Variants in NFRKB observed in about 807,000 individuals in gnomAD.
The protein encoded by NFRKB is nuclear factor related to kappaB binding protein, also known as nuclear factor related to kappa-B-binding protein.
A neutral mutation model predicts 135.7 loss-of-function variants in NFRKB; 62 were observed. The observed-to-expected ratio is 0.46, with a 90% CI of 0.37 to 0.56. The LOEUF is 0.56. Ranked by LOEUF, NFRKB falls within the 20% of genes least tolerant of loss-of-function variation. NFRKB has a pLI of 0.00. For missense variants in NFRKB, 1,545 were observed against 1,662.0 expected (o/e 0.93, Z 1.22); for synonymous variants, 678 against 635.6 (o/e 1.07, Z -1.00).
In NFRKB at chr11:129,888,808, G is replaced by A; in HGVS notation, c.136-13C>T. 1 of 1,602,552 alleles carries A rather than the reference G, an allele frequency of 6.2e-7. No homozygotes were observed. The highest frequency in any genetic ancestry group is 8.5e-7 in the Non-Finnish European group (1 of 1,172,000). ...AGAAGATCTCAGGCTAGGAGAAATA[G>A]GAAAAGTAAACAAAAGTAAAATAAA... On this transcript the variant is annotated splice_polypyrimidine_tract_variant and intron_variant, in intron 3 of 26. Coordinates refer to ENST00000682444, the MANE Select transcript of NFRKB (RefSeq NM_001143835.2).
In NFRKB at chr11:129,878,572, T is replaced by C. The variant is rs373924493; in HGVS notation, c.1385-29A>G. On this transcript the variant is annotated intron_variant, in intron 13 of 26. Coordinates refer to ENST00000682444, the MANE Select transcript of NFRKB (RefSeq NM_001143835.2). ...TTAGAGGAATAAAGAGATAAAAAAA[T>C]AAGAAGGTCTAAGGTATTATTGAGA... 11 of 1,555,658 alleles carry C rather than the reference T, an allele frequency of 7.1e-6. No homozygotes were observed. In the African/African-American group the frequency reaches 1.1e-4, roughly 15 times the overall value.
chr11:129,875,650 TTC>T (rs1188392515), intron 17 of NFRKB, among the ~76,000 whole-genome samples, 187 bp from the exon 18 acceptor site: 2 of 141,590 alleles, frequency 1.4e-5, no homozygotes, highest in African/African-American at 2.6e-5. Context: ...CCCTATACAC[TTC>T]TTTTTTTTTT....
chr11:129,892,411 T>C (rs1157280748), intron 3 of NFRKB, among the ~76,000 whole-genome samples: 2 of 152,218 alleles, frequency 1.3e-5, no homozygotes, highest in Non-Finnish European at 2.9e-5. Context: ...TAGTATTCCA[T>C]GGTTAAAATA....
intron 13 of NFRKB, among the ~76,000 whole-genome samples, chr11:129,879,649 C>T (rs1377072957): frequency 1.3e-5 from 2 of 152,170 alleles, no homozygotes; most frequent in Admixed American, 6.5e-5. Context: ...CCAGGCTTTC[C>T]CCATCTCTAT....
intron 5 of NFRKB, 131 bp from the exon 6 acceptor site, chr11:129,885,740 G>A (rs1949246376): frequency 3.8e-6 from 3 of 780,690 alleles, no homozygotes; most frequent in Non-Finnish European, 5.8e-6. Context: ...CACAAAGAAA[G>A]ATGCACATAT....
At position 129,864,780 on chromosome 11, in the gene NFRKB, G is replaced by C. The variant is rs1332070014; in HGVS notation, c.3845C>G (p.Ser1282Cys). The C allele has an allele frequency of 6.2e-7, 1 of 1,614,224 alleles. No individual in the cohort carries two copies. The highest frequency in any genetic ancestry group is 8.5e-7 in the Non-Finnish European group (1 of 1,180,044). Residue 1282 changes from serine (S) to cysteine (C), a missense_variant, in exon 27 of 27, where the codon TCC becomes TGC. Coordinates refer to ENST00000682444, the MANE Select transcript of NFRKB (RefSeq NM_001143835.2). ...GTASGSSKAV[S>C]TVVVTTAPSP... ...CGGAGCTGTAGTCACAACAACAGTG[G>C]AGACTGCTTTGGAGGAGCCAGAAGC...
At position 129,864,946 on chromosome 11, in the gene NFRKB, G is replaced by T; in HGVS notation, c.3774+20C>A. 6.2e-7 allele frequency: 1 copy of T among 1,612,340 alleles called. No homozygotes were observed. The highest frequency in any genetic ancestry group is 8.5e-7 in the Non-Finnish European group (1 of 1,178,614). On this transcript the variant is annotated intron_variant, in intron 26 of 26. Transcript: ENST00000682444. ...TCAGAGAGGAGCCGGATATGGCCAA[G>T]AATTTGCCCTGGGCCTTACCTGTGT...
In NFRKB at chr11:129,864,703, C is replaced by G. The variant is rs369441928; in HGVS notation, c.*22G>C. 1 of 1,613,900 alleles carries G rather than the reference C, an allele frequency of 6.2e-7. No homozygotes were observed. Among genetic ancestry groups the G allele is most frequent in the Non-Finnish European group, 8.5e-7 (1 of 1,179,990 alleles). ...AGGACAGACCAGGCATGGTCTTTCA[C>G]GGAAGCCATCCTCTCTCATAATCAT... On this transcript the variant is annotated 3_prime_UTR_variant, in exon 27 of 27. Transcript: ENST00000682444.
At chr11:129,888,891 T>C (rs987434680) in intron 3 of NFRKB, 96 bp from the exon 4 acceptor site, 1 of 899,768 alleles carries the variant, frequency 1.1e-6, no homozygotes, top group African/African-American at 1.7e-5. Flanking sequence ...ACATAAGATT[T>C]ACCAATTTAA....
At chr11:129,875,043 G>T in intron 18 of NFRKB, 127 bp from the exon 19 acceptor site, 1 of 1,208,478 alleles carries the variant, frequency 8.3e-7, no homozygotes, top group Non-Finnish European at 1.2e-6. Context: ...CAGCCTAGCT[G>T]CGTATTCCCA....
At chr11:129,877,946 G>A (rs558829654) in intron 15 of NFRKB, among the ~76,000 whole-genome samples, 136 of 152,316 alleles carry the variant, frequency 8.9e-4, no homozygotes, top group African/African-American at 3.0e-3. Flanking sequence ...CTGGGGTCCT[G>A]CTGCTAACCT....
chr11:129,873,946 A>G lies in NFRKB; in HGVS notation c.2349T>C (p.Thr783=). 6.2e-7 allele frequency: 1 copy of G among 1,613,280 alleles called. No homozygotes were observed. The highest frequency in any genetic ancestry group is 8.5e-7 in the Non-Finnish European group (1 of 1,180,010). Reference sequence around the variant, plus strand: ...GGGCGGCAGCCTGAGAACTGGGTGCAGTCTGGCTGGAAGCTGGGGAAAGCA... The same window carrying G: ...GGGCGGCAGCCTGAGAACTGGGTGCGGTCTGGCTGGAAGCTGGGGAAAGCA... ...GTMLSPASSQ[T]APSSQAAARV... The change falls in exon 22 of 27, where the codon ACT becomes ACC. Residue 783 remains threonine, a synonymous_variant. Transcript: ENST00000682444.
In NFRKB at chr11:129,884,737, G is replaced by T. The variant is rs750540424; in HGVS notation, c.742+8C>A. 1.9e-6 allele frequency: 3 copies of T among 1,613,258 alleles called. No individual in the cohort carries two copies. Among genetic ancestry groups the T allele is most frequent in the Non-Finnish European group, 2.5e-6 (3 of 1,179,932 alleles). ...CCAGAATGGTGACAGCGGCAGCTTG[G>T]TTCTCACCTGCAGTTTTCATATCCG... is the stretch of plus-strand genomic sequence containing the variant. On this transcript the variant is annotated splice_region_variant and intron_variant, in intron 7 of 26. Coordinates refer to ENST00000682444, the MANE Select transcript of NFRKB (RefSeq NM_001143835.2).
intron 13 of NFRKB, 28 bp from the exon 14 acceptor site, chr11:129,878,571 AT>A: frequency 6.4e-7 from 1 of 1,572,952 alleles, no homozygotes; most frequent in Non-Finnish European, 8.7e-7. Context: ...AGATAAAAAA[AT>A]AAGAAGGTCT....
In NFRKB at chr11:129,881,523, C is replaced by T; in HGVS notation, c.1319-15G>A. On this transcript the variant is annotated splice_polypyrimidine_tract_variant and intron_variant, in intron 12 of 26. Transcript: ENST00000682444. ...GGAAGGAACAGCTGCAAGAAATGGA[C>T]CACATAAACAAACCATACAGGTGCG... The T allele has an allele frequency of 6.2e-7, 1 of 1,614,014 alleles. No homozygotes were observed. The highest frequency in any genetic ancestry group is 8.5e-7 in the Non-Finnish European group (1 of 1,179,940).
In NFRKB at chr11:129,879,096, A is replaced by T. The variant is rs138723290; in HGVS notation, c.1385-553T>A. On this transcript the variant is annotated intron_variant, in intron 13 of 26. Coordinates refer to ENST00000682444, the MANE Select transcript of NFRKB (RefSeq NM_001143835.2). Reference sequence around the variant, plus strand: ...GTCTCCTGTGCCCTCTTCTCAGGTCACTCTGTTCAGGCTGTCTGAGACCCT... The same window carrying T: ...GTCTCCTGTGCCCTCTTCTCAGGTCTCTCTGTTCAGGCTGTCTGAGACCCT... 3.5e-3 allele frequency among the ~76,000 whole-genome samples: 527 copies of T among 151,922 alleles called. 2 individuals carry two copies. The highest frequency in any genetic ancestry group is 0.014 in the Middle Eastern group (4 of 292).
intron 24 of NFRKB, among the ~76,000 whole-genome samples, chr11:129,866,474 G>A (rs1240640788): frequency 6.6e-6 from 1 of 151,726 alleles, no homozygotes; most frequent in Non-Finnish European, 1.5e-5. Flanking sequence ...AGGGCCACTG[G>A]TGAGGAACAA....
chr11:129,865,599 C>G (rs1363431992), intron 25 of NFRKB, among the ~76,000 whole-genome samples: 3 of 152,230 alleles, frequency 2.0e-5, no homozygotes, highest in Non-Finnish European at 4.4e-5. Flanking sequence ...ACACCCTTTT[C>G]TCTCCAGTAT....
chr11:129,877,194 C>T lies in NFRKB; in HGVS notation c.1572+131G>A, dbSNP rs1948807155. ...CGTTTCCACCCCCAACAAGTAATCC[C>T]AGCCAACAGAAGGTCTAAGGGGAAA... On this transcript the variant is annotated intron_variant, in intron 16 of 26. Transcript: ENST00000682444. The T allele has an allele frequency of 4.3e-6, 4 of 940,026 alleles. No individual in the cohort carries two copies. In the East Asian group the frequency reaches 9.6e-5, roughly 23 times the overall value. 58.2% of individuals were successfully genotyped at this position (940,026 alleles called of 1,614,324 possible). A position where few individuals can be genotyped will look rare whatever the true frequency, so the allele number is the denominator to read the frequency against.
Sources: gnomAD v4.1 joint callset for allele counts (sites outside exome capture counted in the v4.1 genomes callset) on GRCh38, gnomAD v4.1.1 for gene constraint, MANE v1.5 for transcripts, NCBI Gene and HGNC (gene_info 2026-07-23, HGNC 2026-07-21) for gene names.